TRPM3: variants seen among roughly 807,000 people sequenced by gnomAD.
TRPM3 encodes transient receptor potential cation channel subfamily M member 3.
A neutral mutation model predicts 181.2 loss-of-function variants in TRPM3; 77 were observed. That is an observed-to-expected ratio of 0.42 (90% CI 0.35 to 0.51). TRPM3 has a LOEUF of 0.51. Among genes scored for constraint, TRPM3 ranks in the 20% least tolerant of loss-of-function variants. TRPM3 has a pLI of 0.01. For synonymous variants in TRPM3, 745 were observed against 796.4 expected (o/e 0.94, Z 1.09); for missense variants, 1,759 against 2,196.7 (o/e 0.80, Z 3.98).
chr9:71,198,651 A>G (rs1177771534), intron 1 of TRPM3, among the ~76,000 whole-genome samples: 1 of 151,318 alleles, frequency 6.6e-6, no homozygotes, highest in Non-Finnish European at 1.5e-5. Context: ...ATGGGAGTTC[A>G]CTCATGATTT....
At chr9:70,601,204 TCA>T (rs1406650163) in intron 20 of TRPM3, among the ~76,000 whole-genome samples, 1 of 152,148 alleles carries the variant, frequency 6.6e-6, no homozygotes, top group African/African-American at 2.4e-5. Context: ...GCCATCGACC[TCA>T]CAGAGTTGTC....
chr9:70,958,751 C>G (rs559580898), intron 1 of TRPM3, among the ~76,000 whole-genome samples: 1 of 151,804 alleles, frequency 6.6e-6, no homozygotes, highest in Non-Finnish European at 1.5e-5. Context: ...AGACTTGGAA[C>G]CAACCCAAAT....
intron 8 of TRPM3, among the ~76,000 whole-genome samples, chr9:70,741,631 C>T (rs1171842365): frequency 1.3e-5 from 2 of 152,034 alleles, no homozygotes; most frequent in East Asian, 1.9e-4. Flanking sequence ...TATCACAGAA[C>T]GCTACTCAGC....
intron 3 of TRPM3, among the ~76,000 whole-genome samples, chr9:70,852,963 T>TA (rs1242767635): frequency 1.3e-5 from 2 of 152,146 alleles, no homozygotes. Flanking sequence ...TATATATATA[T>TA]TTTTTTCTGG....
At chr9:70,683,929 G>T (rs973598036) in intron 8 of TRPM3, among the ~76,000 whole-genome samples, 90 of 152,246 alleles carry the variant, frequency 5.9e-4, no homozygotes, top group African/African-American at 2.1e-3. Flanking sequence ...TTTACGCCAG[G>T]GCTGGCTATG....
intron 1 of TRPM3, among the ~76,000 whole-genome samples, chr9:71,118,707 CTTTG>C (rs1216129845): frequency 6.6e-6 from 1 of 151,790 alleles, no homozygotes; most frequent in African/African-American, 2.4e-5. Flanking sequence ...GGAGAATTGG[CTTTG>C]TTACCTTAAG....
chr9:70,983,722 G>A (rs2097390040), intron 1 of TRPM3, among the ~76,000 whole-genome samples: 2 of 152,148 alleles, frequency 1.3e-5, no homozygotes, highest in African/African-American at 4.8e-5. Flanking sequence ...GACACCCTGT[G>A]TTATTGGTTA....
In TRPM3 at chr9:71,168,510, CTT is replaced by C. The variant is rs386415035; in HGVS notation, c.183+278141_183+278142del. ...ACCCTTCTTTAGCCCTGACATTTTT[CTT>C]TTTTTTTTTTTTTTTAAGGTGTGAT... On this transcript the variant is annotated intron_variant, in intron 1 of 24. Coordinates refer to the TRPM3 transcript ENST00000357533. 3.2e-4 allele frequency among the ~76,000 whole-genome samples: 29 copies of C among 90,632 alleles called. 2 individuals are homozygous for C. Among genetic ancestry groups the C allele is most frequent in the African/African-American group, 9.3e-4 (22 of 23,720 alleles). 59.5% of individuals were successfully genotyped at this position (90,632 alleles called of 152,430 possible). A position where few individuals can be genotyped will look rare whatever the true frequency, so the allele number is the denominator to read the frequency against.
chr9:71,152,870 G>A (rs1386732358), intron 1 of TRPM3, among the ~76,000 whole-genome samples: 1 of 152,174 alleles, frequency 6.6e-6, no homozygotes, highest in African/African-American at 2.4e-5. Context: ...TTCAGGCACT[G>A]TGTTTGGTAG....
rs900022599 is a variant in TRPM3, at chr9:70,798,140, G to A, written c.974-13861C>T. Among the ~76,000 whole-genome samples, 7 of 152,168 alleles carry A rather than the reference G, an allele frequency of 4.6e-5. No individual in the cohort carries two copies. The East Asian group carries it at 7.7e-4, about 17-fold the overall frequency. ...CATGATCTTGGCTCACTGCCGCCTC[G>A]ACTTCCCAGGCTCAACCGATCCTCC... On this transcript the variant is annotated intron_variant, in intron 6 of 25. Coordinates refer to ENST00000677713, the MANE Select transcript of TRPM3 (RefSeq NM_001366145.2).
chr9:70,793,498 C>T (rs1478767603), intron 6 of TRPM3: 6 of 212,570 alleles, frequency 2.8e-5, no homozygotes, highest in Admixed American at 5.3e-5. Context: ...ATATAAAACA[C>T]ATATGTATAT....
intron 7 of TRPM3, among the ~76,000 whole-genome samples, chr9:70,781,624 A>G (rs2082481164): frequency 1.3e-5 from 2 of 152,304 alleles, no homozygotes; most frequent in East Asian, 3.9e-4. Context: ...AGCACATACC[A>G]TAAAACACAT....
intron 1 of TRPM3, among the ~76,000 whole-genome samples, chr9:71,355,023 A>G (rs1327444590): frequency 6.6e-6 from 1 of 152,172 alleles, no homozygotes; most frequent in Non-Finnish European, 1.5e-5. Context: ...AACCTTTCTT[A>G]AACTCCTGGC....
intron 7 of TRPM3, among the ~76,000 whole-genome samples, chr9:70,764,236 G>C: frequency 6.6e-6 from 1 of 152,184 alleles, no homozygotes; most frequent in Non-Finnish European, 1.5e-5. Flanking sequence ...TCAGACCTAG[G>C]CATGTGTCTA....
At chr9:70,756,118 C>T (rs928993559) in intron 8 of TRPM3, among the ~76,000 whole-genome samples, 4 of 151,496 alleles carry the variant, frequency 2.6e-5, no homozygotes, top group African/African-American at 9.7e-5. Flanking sequence ...GAATATTTAC[C>T]AAGCAAATGG....
chr9:71,315,471 ACT>A (rs1276776039), intron 1 of TRPM3, among the ~76,000 whole-genome samples: 2 of 151,952 alleles, frequency 1.3e-5, no homozygotes, highest in Non-Finnish European at 2.9e-5. Context: ...TTATCTTTCT[ACT>A]CTGTCTAGAT....
intron 1 of TRPM3, among the ~76,000 whole-genome samples, chr9:71,287,684 T>C (rs1243182499): frequency 6.6e-6 from 1 of 151,232 alleles, no homozygotes. Context: ...ACAATTGATA[T>C]ACAGCCATGC....
intron 1 of TRPM3, among the ~76,000 whole-genome samples, chr9:70,966,079 G>A (rs557076511): frequency 1.3e-5 from 2 of 149,260 alleles, no homozygotes; most frequent in East Asian, 3.9e-4. Flanking sequence ...TTAAGAAGTG[G>A]GCAAATAGCA....
chr9:70,738,591 C>A (rs1329547456), intron 8 of TRPM3, among the ~76,000 whole-genome samples: 1 of 152,032 alleles, frequency 6.6e-6, no homozygotes, highest in Non-Finnish European at 1.5e-5. Flanking sequence ...GAAACAAGAA[C>A]AAACCAAACC....
Sources: gnomAD v4.1 joint callset for allele counts (sites outside exome capture counted in the v4.1 genomes callset) on GRCh38, gnomAD v4.1.1 for gene constraint, MANE v1.5 for transcripts, NCBI Gene and HGNC (gene_info 2026-07-23, HGNC 2026-07-21) for gene names.